Variants in MTFR1 observed in about 807,000 individuals in gnomAD.
MTFR1 encodes the protein chondrocyte protein with a poly-proline region.
Under a neutral mutation model 38.8 loss-of-function variants are expected in MTFR1, and 28 were observed. The ratio of observed to expected loss-of-function variants is 0.72; its 90% CI spans 0.53 to 0.99. MTFR1 has a LOEUF of 0.99. Among genes scored for constraint, MTFR1 ranks in the 50% least tolerant of loss-of-function variants. The pLI is 0.00. For synonymous variants in MTFR1, 145 were observed against 137.0 expected (o/e 1.06, Z -0.41); for missense variants, 358 against 395.5 (o/e 0.91, Z 0.81).
intron 1 of MTFR1, among the ~76,000 whole-genome samples, chr8:65,648,159 G>A (rs1334827902): frequency 6.6e-6 from 1 of 151,938 alleles, no homozygotes. Context: ...TGGGACTACA[G>A]GCGCCCGCCA....
chr8:65,658,704 C>T (rs1462512383), intron 1 of MTFR1, among the ~76,000 whole-genome samples: 1 of 151,984 alleles, frequency 6.6e-6, no homozygotes, highest in Non-Finnish European at 1.5e-5. Flanking sequence ...TTTTTAAAAA[C>T]CTTATTTATT....
At chr8:65,742,951 G>A (rs1043393100) in intron 3 of MTFR1, among the ~76,000 whole-genome samples, 4 of 152,172 alleles carry the variant, frequency 2.6e-5, no homozygotes, top group Non-Finnish European at 4.4e-5. Flanking sequence ...TAACTACTGT[G>A]GACTGCTGGC....
chr8:65,647,466 C>T (rs1486902578), intron 1 of MTFR1, among the ~76,000 whole-genome samples: 1 of 152,164 alleles, frequency 6.6e-6, no homozygotes, highest in African/African-American at 2.4e-5. Flanking sequence ...CGTAGGCCAC[C>T]ACGCCCAGCT....
At chr8:65,680,592 T>A (rs1804850016) in intron 2 of MTFR1, among the ~76,000 whole-genome samples, 7 of 152,190 alleles carry the variant, frequency 4.6e-5, no homozygotes, top group Admixed American at 4.6e-4. Flanking sequence ...CTAGTTTGAG[T>A]TAGGTTTTGG....
At chr8:65,647,679 T>A (rs1808997733) in intron 1 of MTFR1, among the ~76,000 whole-genome samples, 1 of 152,206 alleles carries the variant, frequency 6.6e-6, no homozygotes, top group Non-Finnish European at 1.5e-5. Flanking sequence ...ATCCTGGTGA[T>A]GAGTTGGTGA....
intron 1 of MTFR1, among the ~76,000 whole-genome samples, chr8:65,664,016 A>G (rs961052653): frequency 2.6e-5 from 4 of 151,758 alleles, no homozygotes; most frequent in African/African-American, 9.7e-5. Flanking sequence ...GGGTTTCGCC[A>G]TGTTGGCCAG....
At chr8:65,742,560 A>G (rs1453725134) in intron 3 of MTFR1, among the ~76,000 whole-genome samples, 2 of 152,228 alleles carry the variant, frequency 1.3e-5, no homozygotes, top group Non-Finnish European at 2.9e-5. Context: ...AACACAAGAA[A>G]GCACTGGATC....
At chr8:65,750,721 T>C (rs150905248) in intron 3 of MTFR1, among the ~76,000 whole-genome samples, 2 of 152,188 alleles carry the variant, frequency 1.3e-5, no homozygotes, top group Admixed American at 6.5e-5. Flanking sequence ...GAAATCATGG[T>C]TGTATCCTCC....
chr8:65,736,229 T>C (rs1200899401), intron 3 of MTFR1, among the ~76,000 whole-genome samples: 2 of 152,192 alleles, frequency 1.3e-5, no homozygotes, highest in East Asian at 3.8e-4. Flanking sequence ...GATACCAACA[T>C]GGCTGATCTG....
At chr8:65,736,135 G>A (rs759197692) in intron 3 of MTFR1, among the ~76,000 whole-genome samples, 9 of 152,058 alleles carry the variant, frequency 5.9e-5, no homozygotes, top group Admixed American at 1.3e-4. Context: ...AAAATAGAAC[G>A]ATTATAACAA....
chr8:65,768,502 C>G (rs1364944709), intron 3 of MTFR1, among the ~76,000 whole-genome samples: 2 of 152,162 alleles, frequency 1.3e-5, no homozygotes, highest in African/African-American at 4.8e-5. Context: ...TGCCTTTCAC[C>G]TTCGGCCGTA....
chr8:65,687,755 T>C (rs1244434524), intron 3 of MTFR1, among the ~76,000 whole-genome samples: 2 of 152,184 alleles, frequency 1.3e-5, no homozygotes, highest in South Asian at 2.1e-4. Flanking sequence ...TACACAGGTA[T>C]ATCACCTGGG....
chr8:65,774,898 T>C (rs545087675), downstream of MTFR1, among the ~76,000 whole-genome samples: 4 of 152,284 alleles, frequency 2.6e-5, no homozygotes, highest in African/African-American at 9.6e-5. Flanking sequence ...CTCCACTGTA[T>C]CCTTGAGAGA....
At chr8:65,670,169 G>C (rs1473805747) in intron 2 of MTFR1, 151 bp downstream of exon 2, 25 of 677,722 alleles carry the variant, frequency 3.7e-5, no homozygotes, top group Non-Finnish European at 4.7e-5. Context: ...AATCATAGAA[G>C]TGAATCTTTT....
intron 3 of MTFR1, among the ~76,000 whole-genome samples, chr8:65,769,951 C>T (rs190889315): frequency 3.0e-4 from 46 of 151,830 alleles, no homozygotes; most frequent in African/African-American, 1.1e-3. Context: ...TGAGTATAAA[C>T]CCGTGATTTT....
intron 3 of MTFR1, among the ~76,000 whole-genome samples, chr8:65,752,647 T>C (rs1808020511): frequency 6.6e-6 from 1 of 152,196 alleles, no homozygotes; most frequent in Non-Finnish European, 1.5e-5. Context: ...TTCTGGGTCA[T>C]TTTTGCCTGG....
rs759919804 is a variant in MTFR1, at chr8:65,741,030, G to C, written c.*48+21549G>C. On this transcript the variant is annotated intron_variant, in intron 3 of 3. Transcript: ENST00000521247. The stretch of plus-strand genomic sequence containing the variant: ...AACAAGTGGAGTCACACCAAGAATA[G>C]AAATTAAATTTGGAAAAACTACCAT... Among the ~76,000 whole-genome samples the C allele has an allele frequency of 2.6e-5, 4 of 152,252 alleles. 1 individual carries two copies. The South Asian group carries it at 8.3e-4, about 32-fold the overall frequency.
At chr8:65,653,148 A>G (rs1057106182) in intron 1 of MTFR1, among the ~76,000 whole-genome samples, 2 of 152,212 alleles carry the variant, frequency 1.3e-5, no homozygotes, top group African/African-American at 4.8e-5. Flanking sequence ...TATATCCTGG[A>G]ACAAACTTTG....
rs764047861 is a variant in MTFR1, at chr8:65,707,128, A to G, written c.636A>G (p.Lys212=). The change falls in exon 6 of 8, where the codon AAA becomes AAG. Residue 212 remains lysine (K), a synonymous_variant. Coordinates refer to ENST00000262146, the MANE Select transcript of MTFR1 (RefSeq NM_014637.4). ...HQSTSAVDLI[K]ERREKRANAG... is the part of the protein sequence containing the mutation. ...GTACATCTGCTGTTGATCTGATTAA[A>G]GAACGAAGAGAGAAAAGAGCCAATG... 7 of 1,614,118 alleles carry G rather than the reference A, an allele frequency of 4.3e-6. No homozygotes were observed. The Admixed American group carries it at 1.2e-4, about 27-fold the overall frequency.
Sources: gnomAD v4.1 joint callset for allele counts (sites outside exome capture counted in the v4.1 genomes callset) on GRCh38, gnomAD v4.1.1 for gene constraint, MANE v1.5 for transcripts, NCBI Gene and HGNC (gene_info 2026-07-23, HGNC 2026-07-21) for gene names.